The following TMTC2 variants were observed in gnomAD, a reference collection of about 807,000 sequenced individuals.
The protein encoded by TMTC2 is transmembrane O-mannosyltransferase targeting cadherins 2, also known as protein O-mannosyl-transferase TMTC2.
A neutral mutation model predicts 82.4 loss-of-function variants in TMTC2; 43 were observed. That is an observed-to-expected ratio of 0.52 (90% CI 0.41 to 0.67). TMTC2 has a LOEUF of 0.67. Ranked by LOEUF, TMTC2 falls within the 30% of genes least tolerant of loss-of-function variation. TMTC2 has a pLI of 0.00. For synonymous variants in TMTC2, 408 were observed against 381.9 expected, an observed-to-expected ratio of 1.07 and a Z score of -0.80; for missense variants, 919 against 1,012.4, an observed-to-expected ratio of 0.91 and a Z score of 1.25.
At chr12:83,021,946 T>C (rs1045831237) in intron 8 of TMTC2, 1 of 152,146 alleles carries the variant, frequency 6.6e-6, no homozygotes, top group African/African-American at 2.4e-5. Flanking sequence ...ATTTGATGGC[T>C]CTTGTACAAG....
chr12:83,078,905 T>C (rs1883374169), intron 11 of TMTC2, among the ~76,000 whole-genome samples: 1 of 152,040 alleles, frequency 6.6e-6, no homozygotes, highest in Non-Finnish European at 1.5e-5. Context: ...TAAGAAATAA[T>C]TAGAAATGAT....
rs528076999 is a variant in TMTC2, at chr12:83,004,722, ATTTTTTTTTTTTTTTTTTTTTT to A, written c.2070+18700_2070+18721del. 2.2e-3 allele frequency among the ~76,000 whole-genome samples: 81 copies of A among 36,036 alleles called. 1 individual carries two copies. The highest frequency in any genetic ancestry group is 0.038 in the Middle Eastern group (1 of 26). 23.6% of individuals were successfully genotyped at this position (36,036 alleles called of 152,430 possible). A position where few individuals can be genotyped will look rare whatever the true frequency, so the allele number is the denominator to read the frequency against. On this transcript the variant is annotated intron_variant, in intron 8 of 11. Coordinates refer to ENST00000321196, the MANE Select transcript of TMTC2 (RefSeq NM_152588.3). Reference sequence around the variant, plus strand: ...TTCACAGGCAGTGTATACTGGCCGAATTTTTTTTTTTTTTTTTTTTTTTTTTTTTTTTTTTTTTTTTTTTTGA... The same window carrying A: ...TTCACAGGCAGTGTATACTGGCCGAATTTTTTTTTTTTTTTTTTTTTTTGA...
chr12:83,112,591 T>C (rs1267599078), intron 11 of TMTC2, among the ~76,000 whole-genome samples: 1 of 152,196 alleles, frequency 6.6e-6, no homozygotes, highest in Non-Finnish European at 1.5e-5. Context: ...ATGAGATAAA[T>C]GGCCTATAGT....
intron 7 of TMTC2, among the ~76,000 whole-genome samples, chr12:82,968,357 A>T (rs527982488): frequency 1.5e-3 from 231 of 152,326 alleles, no homozygotes; most frequent in African/African-American, 5.4e-3. Context: ...TGTCTATATG[A>T]ATAAAATATA....
intron 3 of TMTC2, among the ~76,000 whole-genome samples, chr12:82,904,370 TG>T (rs757267850): frequency 5.3e-5 from 8 of 152,212 alleles, no homozygotes; most frequent in Non-Finnish European, 1.0e-4. Flanking sequence ...CCTTCAGTAA[TG>T]GGTCCTGTAG....
intron 9 of TMTC2, among the ~76,000 whole-genome samples, chr12:83,035,162 T>C (rs1291947791): frequency 2.6e-5 from 4 of 152,154 alleles, no homozygotes; most frequent in Admixed American, 2.6e-4. Context: ...TACCATCCAG[T>C]TGGGATTAGA....
At chr12:82,931,674 A>G (rs112889222) in intron 4 of TMTC2, among the ~76,000 whole-genome samples, 101 of 152,230 alleles carry the variant, frequency 6.6e-4, no homozygotes, top group African/African-American at 2.2e-3. Flanking sequence ...ATGTTTCTCC[A>G]TTTTGTGGCT....
chr12:83,089,882 CCTT>C (rs1273383427), intron 11 of TMTC2, among the ~76,000 whole-genome samples: 3 of 151,372 alleles, frequency 2.0e-5, no homozygotes, highest in Non-Finnish European at 1.5e-5. Context: ...TCATTTTTGT[CCTT>C]CTTCACGTGC....
intron 4 of TMTC2, among the ~76,000 whole-genome samples, chr12:82,943,256 G>T (rs550937791): frequency 6.6e-6 from 1 of 152,146 alleles, no homozygotes; most frequent in South Asian, 2.1e-4. Flanking sequence ...TTGTAACAGC[G>T]TCAATCCAAG....
At chr12:83,058,689 T>C (rs1882633562) in intron 10 of TMTC2, among the ~76,000 whole-genome samples, 1 of 151,836 alleles carries the variant, frequency 6.6e-6, no homozygotes, top group South Asian at 2.1e-4. Flanking sequence ...ATGAATGATT[T>C]TTCCTTCTCA....
chr12:82,948,103 A>G (rs1877126639), intron 4 of TMTC2, among the ~76,000 whole-genome samples: 1 of 152,226 alleles, frequency 6.6e-6, no homozygotes, highest in South Asian at 2.1e-4. Flanking sequence ...TCAGTGGCTC[A>G]CATCTGTAAT....
chr12:82,882,176 T>A (rs1018509614), intron 2 of TMTC2, among the ~76,000 whole-genome samples: 1 of 150,966 alleles, frequency 6.6e-6, no homozygotes, highest in African/African-American at 2.5e-5. Flanking sequence ...ATTTTTTGTA[T>A]TTTTAGTAGA....
chr12:82,874,639 T>C (rs1401411795), intron 2 of TMTC2, among the ~76,000 whole-genome samples: 3 of 152,154 alleles, frequency 2.0e-5, no homozygotes, highest in African/African-American at 7.2e-5. Context: ...ATACCCCCTT[T>C]TCTCCCTTTT....
At chr12:82,906,550 C>T (rs1213300868) in intron 3 of TMTC2, among the ~76,000 whole-genome samples, 1 of 151,768 alleles carries the variant, frequency 6.6e-6, no homozygotes, top group Admixed American at 6.6e-5. Context: ...CTCAAACCCG[C>T]CTGAGGCAGG....
At chr12:82,745,635 G>T (rs941590072) in intron 1 of TMTC2, among the ~76,000 whole-genome samples, 7 of 152,150 alleles carry the variant, frequency 4.6e-5, no homozygotes, top group South Asian at 2.1e-4. Flanking sequence ...CTTTGGTAAT[G>T]GACAAATAGA....
At chr12:83,105,976 G>A (rs11115590) in intron 11 of TMTC2, among the ~76,000 whole-genome samples, 20,720 of 152,000 alleles carry the variant, frequency 0.14, 1,583 homozygotes, top group East Asian at 0.26. Context: ...ATAGAATAGC[G>A]TTGTATGAAA....
Position 82,710,021 on chromosome 12 carries a change from T to A in TMTC2, c.83+22352T>A, listed in dbSNP as rs186789005. Reference sequence around the variant, plus strand: ...GCTGGGAGCCAAAGATATGGTGATATGTGAAAGTGTCCAGGCAGCGCTTAC... The same window carrying A: ...GCTGGGAGCCAAAGATATGGTGATAAGTGAAAGTGTCCAGGCAGCGCTTAC... On this transcript the variant is annotated intron_variant, in intron 1 of 11. Coordinates refer to ENST00000321196, the MANE Select transcript of TMTC2 (RefSeq NM_152588.3). Among the ~76,000 whole-genome samples the A allele has an allele frequency of 5.3e-5, 8 of 152,258 alleles. No homozygotes were observed. The East Asian group carries it at 1.5e-3, about 29-fold the overall frequency.
At chr12:82,809,314 A>T (rs923236987) in intron 1 of TMTC2, among the ~76,000 whole-genome samples, 1 of 151,986 alleles carries the variant, frequency 6.6e-6, no homozygotes, top group Non-Finnish European at 1.5e-5. Context: ...ATTGCATGTG[A>T]TTATAACCTG....
chr12:82,867,055 A>G (rs754172171), intron 2 of TMTC2, among the ~76,000 whole-genome samples: 10 of 152,212 alleles, frequency 6.6e-5, no homozygotes, highest in Non-Finnish European at 1.2e-4. Flanking sequence ...GAAGAATAGC[A>G]TCTTCGAAGT....
Sources: allele counts gnomAD v4.1 joint callset (sites outside exome capture counted in the v4.1 genomes callset), GRCh38; gene constraint gnomAD v4.1.1; transcripts MANE v1.5; gene names NCBI Gene and HGNC (gene_info 2026-07-23, HGNC 2026-07-21).